NCOA1: variants seen among roughly 807,000 people sequenced by gnomAD.
NCOA1 encodes Hin-2 protein.
A neutral mutation model predicts 150.9 loss-of-function variants in NCOA1; 35 were observed. The ratio of observed to expected loss-of-function variants is 0.23; its 90% confidence interval spans 0.18 to 0.31. The LOEUF is 0.31. NCOA1 is among the 10% of genes least tolerant of loss of function. The pLI is 1.00. For missense variants in NCOA1, 1,491 were observed against 1,749.3 expected (o/e 0.85, Z 2.63); for synonymous variants, 590 against 630.0 (o/e 0.94, Z 0.95).
At chr2:24,498,592 A>G (rs1663323497) in intron 1 of NCOA1, among the ~76,000 whole-genome samples, 1 of 152,184 alleles carries the variant, frequency 6.6e-6, no homozygotes, top group African/African-American at 2.4e-5. Context: ...AGACAAGGAG[A>G]ACAGTATGTT....
intron 17 of NCOA1, among the ~76,000 whole-genome samples, chr2:24,730,409 A>G (rs979877622): frequency 4.0e-4 from 61 of 152,212 alleles, no homozygotes; most frequent in African/African-American, 1.4e-3. Flanking sequence ...TTGAGATACA[A>G]ACTATTTAAG....
intron 22 of NCOA1, 65 bp from the exon 23 acceptor site, chr2:24,768,155 AG>A (rs756526339): frequency 1.2e-6 from 2 of 1,613,848 alleles, no homozygotes; most frequent in East Asian, 2.2e-5. Context: ...CACTTCAAGT[AG>A]TACCCACTCA....
At chr2:24,727,697 C>T (rs1662768816) in intron 15 of NCOA1, among the ~76,000 whole-genome samples, 1 of 152,130 alleles carries the variant, frequency 6.6e-6, no homozygotes, top group Non-Finnish European at 1.5e-5. Flanking sequence ...TTTTATGTAT[C>T]AGTTGGTATC....
At chr2:24,536,904 G>A (rs1033588757) in intron 1 of NCOA1, among the ~76,000 whole-genome samples, 6 of 152,066 alleles carry the variant, frequency 3.9e-5, no homozygotes, top group African/African-American at 1.4e-4. Context: ...TCACTTATAA[G>A]TAGGAGCTAA....
chr2:24,762,882 GT>G, intron 22 of NCOA1, 106 bp downstream of exon 22: 1 of 954,792 alleles, frequency 1.0e-6, no homozygotes, highest in Non-Finnish European at 1.7e-6. Flanking sequence ...AGACCTGGGT[GT>G]GAGTCCTGGC....
At chr2:24,763,429 C>T (rs930697210) in intron 22 of NCOA1, among the ~76,000 whole-genome samples, 1 of 150,294 alleles carries the variant, frequency 6.7e-6, no homozygotes, top group Non-Finnish European at 1.5e-5. Context: ...GTCCCAGCTA[C>T]TTGGGAGGCT....
rs888646204 is a variant in NCOA1 at position 24,637,660 on chromosome 2, A to G, written c.-174-6306A>G. Among the ~76,000 whole-genome samples the G allele has an allele frequency of 2.0e-5, 3 of 152,068 alleles. No individual in the cohort carries two copies. In the South Asian group the frequency reaches 6.2e-4, roughly 32 times the overall value. ...ATTACCTTCCTTCTAGCTGTTTGAA[A>G]CTATACAATATATTGGGGGTTTTTT... On this transcript the variant is annotated intron_variant, in intron 3 of 22. Transcript: ENST00000348332.
In NCOA1 at chr2:24,770,671, T is replaced by C. The variant is rs187409411; in HGVS notation, c.*2280T>C. On this transcript the variant is annotated 3_prime_UTR_variant, in exon 23 of 23. Coordinates refer to ENST00000348332, the MANE Select transcript of NCOA1 (RefSeq NM_003743.5). Reference sequence around the variant, plus strand: ...CCAAAGCCCAAATTAACGAGTATTATAAAAGGATAATAAAGCATCCCTGAA... The same window carrying C: ...CCAAAGCCCAAATTAACGAGTATTACAAAAGGATAATAAAGCATCCCTGAA... 30 of 190,716 alleles carry C rather than the reference T, an allele frequency of 1.6e-4. No homozygotes were observed. The highest frequency in any genetic ancestry group is 2.7e-4 in the Non-Finnish European group (25 of 90,938). 11.8% of individuals were successfully genotyped at this position (190,716 alleles called of 1,614,324 possible).
intron 3 of NCOA1, among the ~76,000 whole-genome samples, chr2:24,592,578 A>ATTTTTTTTTTTTTTT (rs145333073): frequency 2.9e-5 from 3 of 103,490 alleles, no homozygotes; most frequent in African/African-American, 7.3e-5. Flanking sequence ...TCCCCTCCTA[A>ATTTTTTTTTTTTTTT]TTTTTTTTTT....
In NCOA1 at chr2:24,707,678, T is replaced by C. The variant is rs766640478; in HGVS notation, c.2208T>C (p.Asp736=). The C allele has an allele frequency of 6.2e-7, 1 of 1,614,168 alleles. No homozygotes were observed. Among genetic ancestry groups the C allele is most frequent in the Non-Finnish European group, 8.5e-7 (1 of 1,180,016 alleles). The change falls in exon 13 of 23, where the codon GAT becomes GAC. Residue 736 remains aspartate (D), a synonymous_variant. Coordinates refer to ENST00000348332, the MANE Select transcript of NCOA1 (RefSeq NM_003743.5). ...ACTCCAGTATAAAACTAGAACTGGA[T>C]GCTTCAAAGAAAAAAGAATCAAAAG... ...QGNSSIKLEL[D]ASKKKESKDH...
chr2:24,711,278 C>A, intron 14 of NCOA1, 167 bp downstream of exon 14: 1 of 608,544 alleles, frequency 1.6e-6, no homozygotes, highest in Non-Finnish European at 2.6e-6. Context: ...GAACATCATT[C>A]ATCATGTGTA....
At chr2:24,719,266 GATC>G (rs1334330614) in intron 14 of NCOA1, among the ~76,000 whole-genome samples, 4 of 152,052 alleles carry the variant, frequency 2.6e-5, no homozygotes, top group Admixed American at 6.6e-5. Context: ...ATAGAAGTCT[GATC>G]ATTGTTTGCC....
At chr2:24,580,890 C>T (rs1339806072) in intron 2 of NCOA1, among the ~76,000 whole-genome samples, 2 of 152,168 alleles carry the variant, frequency 1.3e-5, no homozygotes, top group Admixed American at 6.5e-5. Flanking sequence ...TACATGCTGA[C>T]ACTCTGGGTC....
intron 4 of NCOA1, 86 bp downstream of exon 4, chr2:24,644,208 A>T (rs1370953402): frequency 6.6e-6 from 1 of 152,204 alleles, no homozygotes; most frequent in Non-Finnish European, 1.5e-5. Context: ...GTTATCTTTT[A>T]TGGAAATATG....
chr2:24,709,963 A>C (rs145133183), intron 13 of NCOA1, among the ~76,000 whole-genome samples: 1 of 152,206 alleles, frequency 6.6e-6, no homozygotes, highest in Non-Finnish European at 1.5e-5. Flanking sequence ...GTTGAACTAG[A>C]TAATGAAACC....
At chr2:24,618,098 A>T (rs1006419218) in intron 3 of NCOA1, among the ~76,000 whole-genome samples, 1 of 152,162 alleles carries the variant, frequency 6.6e-6, no homozygotes, top group African/African-American at 2.4e-5. Flanking sequence ...GCTATGGGTG[A>T]TTTTAATTTT....
chr2:24,530,618 C>G (rs1174505327), intron 1 of NCOA1, among the ~76,000 whole-genome samples: 1 of 152,212 alleles, frequency 6.6e-6, no homozygotes, highest in African/African-American at 2.4e-5. Flanking sequence ...CAGTGGCATT[C>G]TAGCCAGTCT....
At chr2:24,705,303 A>G (rs1673364488) in intron 12 of NCOA1, 70 bp downstream of exon 12, 4 of 1,483,208 alleles carry the variant, frequency 2.7e-6, no homozygotes, top group Admixed American at 1.9e-5. Flanking sequence ...GAAATTTTTT[A>G]TACTCTTGAT....
intron 3 of NCOA1, among the ~76,000 whole-genome samples, chr2:24,634,936 C>CA (rs1669876164): frequency 6.6e-6 from 1 of 152,072 alleles, no homozygotes; most frequent in Non-Finnish European, 1.5e-5. Flanking sequence ...AAGCTATTCT[C>CA]AAACTCCTGG....
Sources: allele counts gnomAD v4.1 joint callset (sites outside exome capture counted in the v4.1 genomes callset), GRCh38; gene constraint gnomAD v4.1.1; transcripts MANE v1.5; gene names NCBI Gene and HGNC (gene_info 2026-07-23, HGNC 2026-07-21).